The following PCDHGB4 variants were observed in gnomAD, a reference collection of about 807,000 sequenced individuals.
PCDHGB4 encodes protocadherin gamma-B4.
In PCDHGB4, 38 loss-of-function variants were observed where a neutral mutation model predicts 60.5. The observed-to-expected ratio is 0.63, with a 90% confidence interval of 0.48 to 0.82. PCDHGB4 has a LOEUF of 0.82. Ranked by LOEUF, PCDHGB4 falls within the 40% of genes least tolerant of loss-of-function variation. The pLI is 0.00. For missense variants in PCDHGB4, 1,109 were observed against 1,209.6 expected (o/e 0.92, Z 1.23); for synonymous variants, 456 against 509.7 (o/e 0.89, Z 1.42).
At chr5:141,427,803 G>A (rs781324396) in intron 1 of PCDHGB4, 2 of 1,511,804 alleles carry the variant, frequency 1.3e-6, no homozygotes, top group Admixed American at 1.7e-5. Context: ...GTCCGTGAGC[G>A]CACAGAGCGG....
In PCDHGB4 at chr5:141,414,189, G is replaced by C. The variant is rs1674006167; in HGVS notation, c.2397+23908G>C. ...CATATCTTGCAACTGCAAAAGTGTT[G>C]ATTACAGTAGAAGATGTAAATGACA... On this transcript the variant is annotated intron_variant, in intron 1 of 3. Transcript: ENST00000519479. 3.1e-6 allele frequency: 5 copies of C among 1,609,966 alleles called. No homozygotes were observed. The highest frequency in any genetic ancestry group is 3.4e-6 in the Non-Finnish European group (4 of 1,177,924).
At chr5:141,409,734 G>A in intron 1 of PCDHGB4, 1 of 1,613,144 alleles carries the variant, frequency 6.2e-7, no homozygotes, top group East Asian at 2.2e-5. Flanking sequence ...AGCGCGCAGA[G>A]CGGGGTGGTG....
At position 141,409,389 on chromosome 5, in the gene PCDHGB4, C is replaced by G; in HGVS notation, c.2397+19108C>G. On this transcript the variant is annotated intron_variant, in intron 1 of 3. Transcript: ENST00000519479. ...ACAGACATTCCATTCAAGATTTATT[C>G]TTCTTCCAATAACTACTACAAACTG... 6.2e-7 allele frequency: 1 copy of G among 1,614,006 alleles called. No homozygotes were observed. Among genetic ancestry groups the G allele is most frequent in the Admixed American group, 1.7e-5 (1 of 60,020 alleles).
At chr5:141,447,829 T>A (rs2098552664) in intron 1 of PCDHGB4, among the ~76,000 whole-genome samples, 1 of 152,214 alleles carries the variant, frequency 6.6e-6, no homozygotes. Context: ...CTCACGCCTG[T>A]AATCCCAGTG....
intron 1 of PCDHGB4, chr5:141,428,158 G>C (rs776350833): frequency 3.8e-6 from 6 of 1,577,610 alleles, no homozygotes; most frequent in Non-Finnish European, 5.2e-6. Context: ...GGAACCTGCT[G>C]GTTGCTGTGC....
chr5:141,399,605 A>G, intron 1 of PCDHGB4: 1 of 1,613,968 alleles, frequency 6.2e-7, no homozygotes, highest in Non-Finnish European at 8.5e-7. Context: ...AGCGACCTAG[A>G]GCCTCTGGCA....
intron 3 of PCDHGB4, among the ~76,000 whole-genome samples, chr5:141,510,584 C>T (rs2099881791): frequency 1.3e-5 from 2 of 152,184 alleles, no homozygotes. Flanking sequence ...TTTTACGTAC[C>T]TGACATACAT....
At chr5:141,416,287 T>A (rs2096012467) in intron 1 of PCDHGB4, 1 of 152,276 alleles carries the variant, frequency 6.6e-6, no homozygotes, top group Admixed American at 6.5e-5. Flanking sequence ...ATTCTCTAAT[T>A]TCACACTGCT....
intron 1 of PCDHGB4, chr5:141,398,797 G>C (rs1338071296): frequency 1.2e-6 from 2 of 1,613,898 alleles, no homozygotes; most frequent in Non-Finnish European, 1.7e-6. Flanking sequence ...ACCCCTAAGC[G>C]GCACCACTGA....
intron 1 of PCDHGB4, chr5:141,409,468 C>T (rs1256188577): frequency 1.9e-6 from 3 of 1,613,948 alleles, no homozygotes; most frequent in Admixed American, 1.7e-5. Flanking sequence ...ATGTCACCAT[C>T]GTAGCCACTG....
chr5:141,486,559 G>A lies in PCDHGB4; in HGVS notation c.2398-8248G>A. ...CTTTCTTTCAGAGGTCACATGAGGTGTTTGTTCCTGAGAACAATCGCCCAG... is the reference window on the plus strand; with the variant it reads ...CTTTCTTTCAGAGGTCACATGAGGTATTTGTTCCTGAGAACAATCGCCCAG... On this transcript the variant is annotated intron_variant, in intron 1 of 3. Transcript: ENST00000519479. This position sits in a 1 kb window ranked among gnomAD's most constrained non-coding sequence, Gnocchi z 5.0. 6.2e-7 allele frequency: 1 copy of A among 1,614,032 alleles called. No individual in the cohort carries two copies. Among genetic ancestry groups the A allele is most frequent in the Non-Finnish European group, 8.5e-7 (1 of 1,180,022 alleles).
At chr5:141,502,815 TTTCC>T in intron 2 of PCDHGB4, among the ~76,000 whole-genome samples, 1 of 151,372 alleles carries the variant, frequency 6.6e-6, no homozygotes, top group East Asian at 1.9e-4. Context: ...TTCACTGTCT[TTTCC>T]TTGGGGAAGC....
Position 141,490,102 on chromosome 5 carries a change from G to A in PCDHGB4, c.2398-4705G>A, listed in dbSNP as rs377649214. On this transcript the variant is annotated intron_variant, in intron 1 of 3. Coordinates refer to ENST00000519479, the MANE Select transcript of PCDHGB4 (RefSeq NM_003736.4). The surrounding 1 kb of genome is among the most constrained non-coding windows in gnomAD (Gnocchi z 5.4). ...TTCTTTTGGAGACCACACATCTGAG[G>A]CAGTGCGGAACCTCTTTGGCCTAGA... 4.3e-6 allele frequency: 7 copies of A among 1,614,144 alleles called. No homozygotes were observed. The African/African-American group carries it at 9.3e-5, about 22-fold the overall frequency.
chr5:141,424,294 C>G (rs1260250688), intron 1 of PCDHGB4: 1 of 152,470 alleles, frequency 6.6e-6, no homozygotes, highest in Non-Finnish European at 1.5e-5. Context: ...ATTTCTTCAT[C>G]CTATCAACAC....
intron 1 of PCDHGB4, chr5:141,404,727 T>G (rs762980421): frequency 6.2e-7 from 1 of 1,613,912 alleles, no homozygotes; most frequent in Non-Finnish European, 8.5e-7. Flanking sequence ...ACCAAGGTGG[T>G]GGCAGTGGAC....
intron 1 of PCDHGB4, among the ~76,000 whole-genome samples, chr5:141,463,095 G>C (rs1299676667): frequency 6.6e-6 from 1 of 152,098 alleles, no homozygotes; most frequent in African/African-American, 2.4e-5. Context: ...AGCCCTATGT[G>C]ACCATCAAGA....
intron 1 of PCDHGB4, chr5:141,419,888 G>A: frequency 6.2e-7 from 1 of 1,614,056 alleles, no homozygotes; most frequent in Non-Finnish European, 8.5e-7. Context: ...GGATTTCAGC[G>A]ACCATCCCAC....
At chr5:141,454,789 G>T (rs1368681394) in intron 1 of PCDHGB4, among the ~76,000 whole-genome samples, 1 of 129,576 alleles carries the variant, frequency 7.7e-6, no homozygotes, top group African/African-American at 3.1e-5. Flanking sequence ...AATCCTCCAT[G>T]GTTCTAATTT....
intron 1 of PCDHGB4, chr5:141,419,465 G>A (rs568864628): frequency 1.9e-6 from 3 of 1,612,544 alleles, no homozygotes; most frequent in South Asian, 1.1e-5. Context: ...GCAGGCCCGC[G>A]ACCAGGGCTC....
Sources: allele counts gnomAD v4.1 joint callset (sites outside exome capture counted in the v4.1 genomes callset), GRCh38; gene constraint gnomAD v4.1.1; non-coding constraint Gnocchi (gnomAD v3.1); transcripts MANE v1.5; gene names NCBI Gene and HGNC (gene_info 2026-07-23, HGNC 2026-07-21).